The following TOX variants were observed in gnomAD, a reference collection of about 807,000 sequenced individuals.
TOX encodes thymocyte selection associated high mobility group box.
Under a neutral mutation model 53.7 loss-of-function variants are expected in TOX, and 11 were observed. The observed-to-expected ratio is 0.20, with a 90% confidence interval of 0.13 to 0.34. The LOEUF (loss-of-function observed/expected upper bound fraction) is 0.34. TOX is among the 10% of genes least tolerant of loss of function. TOX has a pLI of 1.00. For synonymous variants in TOX, 225 were observed against 245.3 expected (o/e 0.92, Z 0.77); for missense variants, 570 against 664.6 (o/e 0.86, Z 1.56).
At chr8:59,019,659 T>C (rs1319347164) in intron 1 of TOX, among the ~76,000 whole-genome samples, 1 of 152,244 alleles carries the variant, frequency 6.6e-6, no homozygotes, top group Admixed American at 6.5e-5. Context: ...ACTCTTGTCA[T>C]TTCATATAGA....
At chr8:58,877,991 A>G (rs1416008716) in intron 3 of TOX, among the ~76,000 whole-genome samples, 2 of 152,172 alleles carry the variant, frequency 1.3e-5, no homozygotes, top group Non-Finnish European at 2.9e-5. Context: ...ACAGTGACAG[A>G]ATCAAACACT....
In TOX at chr8:58,984,025, A is replaced by G. The variant is rs1434744779; in HGVS notation, c.103-24017T>C. Among the ~76,000 whole-genome samples the G allele has an allele frequency of 2.6e-5, 4 of 152,228 alleles. No individual in the cohort carries two copies. In the East Asian group the frequency reaches 7.7e-4, roughly 29 times the overall value. Reference sequence around the variant, plus strand: ...AGGTAAAGGACTGACTAGTCAAGATAAATTATATTTTAGTACCATATTTTT... The same window carrying G: ...AGGTAAAGGACTGACTAGTCAAGATGAATTATATTTTAGTACCATATTTTT... On this transcript the variant is annotated intron_variant, in intron 1 of 8. Coordinates refer to ENST00000361421, the MANE Select transcript of TOX (RefSeq NM_014729.3).
At chr8:59,062,634 C>G (rs901816372) in intron 1 of TOX, among the ~76,000 whole-genome samples, 1 of 152,118 alleles carries the variant, frequency 6.6e-6, no homozygotes, top group African/African-American at 2.4e-5. Context: ...CAACGGGTGT[C>G]GTTCTATAGT....
At chr8:58,974,541 C>A (rs1011745427) in intron 1 of TOX, among the ~76,000 whole-genome samples, 2 of 152,108 alleles carry the variant, frequency 1.3e-5, no homozygotes, top group African/African-American at 2.4e-5. Context: ...TAGCACTATT[C>A]CAGGTGTTTA....
intron 1 of TOX, among the ~76,000 whole-genome samples, chr8:58,982,297 C>T (rs1336360917): frequency 6.6e-6 from 1 of 152,190 alleles, no homozygotes; most frequent in Middle Eastern, 3.2e-3. Flanking sequence ...CCTGAGTGCT[C>T]CCCAGAGGAA....
chr8:58,854,158 A>G (rs976790571), intron 3 of TOX, among the ~76,000 whole-genome samples: 3 of 152,222 alleles, frequency 2.0e-5, no homozygotes, highest in Non-Finnish European at 4.4e-5. Context: ...TAGCAAAATC[A>G]TACTTCAACT....
At chr8:59,057,288 A>T (rs977170608) in intron 1 of TOX, among the ~76,000 whole-genome samples, 1 of 152,186 alleles carries the variant, frequency 6.6e-6, no homozygotes, top group Non-Finnish European at 1.5e-5. Context: ...TAGAAAAAAA[A>T]ATCACATACA....
At chr8:58,820,222 C>A (rs1417428190) in intron 6 of TOX, among the ~76,000 whole-genome samples, 1 of 151,158 alleles carries the variant, frequency 6.6e-6, no homozygotes, top group African/African-American at 2.4e-5. Flanking sequence ...TTACTACTGA[C>A]TATGGAAACA....
chr8:59,108,503 A>T (rs117475728), intron 1 of TOX, among the ~76,000 whole-genome samples: 9,554 of 152,272 alleles, frequency 0.063, 384 homozygotes, highest in Admixed American at 0.11. Context: ...TATTTAAAGC[A>T]TGACAAATGT....
chr8:58,988,752 GA>G (rs1813385320), intron 1 of TOX, among the ~76,000 whole-genome samples: 1 of 152,174 alleles, frequency 6.6e-6, no homozygotes, highest in Non-Finnish European at 1.5e-5. Flanking sequence ...ATGTGCACAG[GA>G]AATCTGAGTT....
At chr8:59,090,371 T>C (rs1804588711) in intron 1 of TOX, among the ~76,000 whole-genome samples, 1 of 152,218 alleles carries the variant, frequency 6.6e-6, no homozygotes. Context: ...GAACTCATCA[T>C]ATGTTTCCAA....
At chr8:59,036,540 A>G (rs1356976578) in intron 1 of TOX, among the ~76,000 whole-genome samples, 1 of 152,154 alleles carries the variant, frequency 6.6e-6, no homozygotes, top group Admixed American at 6.5e-5. Flanking sequence ...AGACATCCTA[A>G]ACACACCTAT....
At chr8:58,998,292 C>T (rs1354450822) in intron 1 of TOX, among the ~76,000 whole-genome samples, 2 of 150,596 alleles carry the variant, frequency 1.3e-5, no homozygotes, top group African/African-American at 4.9e-5. Context: ...AGTTTGAGAC[C>T]AGCCTGGCCA....
At position 58,899,843 on chromosome 8, in the gene TOX, T is replaced by A. The variant is rs76807557; in HGVS notation, c.411+39459A>T. ...GAAAAGCTAAATATCCATACTGAAG[T>A]GAGGATCTGAGGCTATCAGCTGGAA... is the stretch of plus-strand genomic sequence containing the variant. On this transcript the variant is annotated intron_variant, in intron 3 of 8. Coordinates refer to ENST00000361421, the MANE Select transcript of TOX (RefSeq NM_014729.3). Among the ~76,000 whole-genome samples the A allele has an allele frequency of 2.3e-3, 356 of 152,262 alleles. 1 individual carries two copies. Among genetic ancestry groups the A allele is most frequent in the African/African-American group, 8.1e-3 (335 of 41,554 alleles).
intron 4 of TOX, among the ~76,000 whole-genome samples, chr8:58,844,018 A>G (rs1810684309): frequency 1.3e-5 from 2 of 152,240 alleles, no homozygotes; most frequent in Admixed American, 1.3e-4. Context: ...TAGAAAAATT[A>G]GCTAAATGGA....
At chr8:58,998,525 ATATATAT>A (rs1336231708) in intron 1 of TOX, among the ~76,000 whole-genome samples, 26 of 58,804 alleles carry the variant, frequency 4.4e-4, no homozygotes, top group African/African-American at 1.2e-3. Context: ...ATATATATAT[ATATATAT>A]ATATATAAAT....
At chr8:59,111,680 T>C (rs1043636360) in intron 1 of TOX, among the ~76,000 whole-genome samples, 9 of 152,142 alleles carry the variant, frequency 5.9e-5, no homozygotes, top group Non-Finnish European at 1.3e-4. Context: ...TCAAAAGGCA[T>C]TTTAGCCAAA....
intron 3 of TOX, among the ~76,000 whole-genome samples, chr8:58,882,734 A>T (rs1335731981): frequency 6.6e-6 from 1 of 152,256 alleles, no homozygotes; most frequent in Non-Finnish European, 1.5e-5. Flanking sequence ...GAAGTCAACT[A>T]CCATCACTGA....
intron 1 of TOX, among the ~76,000 whole-genome samples, chr8:59,083,536 A>G (rs909412914): frequency 6.6e-6 from 1 of 152,228 alleles, no homozygotes; most frequent in Non-Finnish European, 1.5e-5. Flanking sequence ...TTATAATAAG[A>G]GTGCTTTGAA....
Sources: gnomAD v4.1 joint callset for allele counts (sites outside exome capture counted in the v4.1 genomes callset) on GRCh38, gnomAD v4.1.1 for gene constraint, MANE v1.5 for transcripts, NCBI Gene and HGNC (gene_info 2026-07-23, HGNC 2026-07-21) for gene names.